HDAC9: variants seen among roughly 807,000 people sequenced by gnomAD.
The protein encoded by HDAC9 is MEF-2 interacting transcription repressor (MITR) protein.
A neutral mutation model predicts 139.4 loss-of-function variants in HDAC9; 41 were observed. The observed-to-expected ratio is 0.29, with a 90% CI of 0.23 to 0.38. The LOEUF (loss-of-function observed/expected upper bound fraction) is 0.38. HDAC9 is among the 10% of genes least tolerant of loss of function. HDAC9 has a pLI of 1.00. For synonymous variants in HDAC9, 517 were observed against 476.2 expected (o/e 1.09, Z -1.12); for missense variants, 1,147 against 1,297.0 (o/e 0.88, Z 1.78).
chr7:18,228,754 T>C (rs750193651), intron 2 of HDAC9, among the ~76,000 whole-genome samples: 19 of 152,176 alleles, frequency 1.2e-4, no homozygotes, highest in Non-Finnish European at 2.2e-4. Flanking sequence ...AATACAACTT[T>C]GAACTCAGGA....
At chr7:18,340,643 T>C (rs1007522851) in intron 1 of HDAC9, among the ~76,000 whole-genome samples, 6 of 151,602 alleles carry the variant, frequency 4.0e-5, no homozygotes, top group Non-Finnish European at 4.4e-5. Context: ...TTACCAAAAG[T>C]GTGTTTCCAT....
chr7:18,862,799 T>C (rs1798208383), intron 21 of HDAC9, among the ~76,000 whole-genome samples: 1 of 152,188 alleles, frequency 6.6e-6, no homozygotes, highest in Non-Finnish European at 1.5e-5. Flanking sequence ...GAAATTCATT[T>C]TGAGAAGAAT....
chr7:18,163,512 G>T (rs1458909932), intron 2 of HDAC9, among the ~76,000 whole-genome samples: 1 of 152,104 alleles, frequency 6.6e-6, no homozygotes, highest in African/African-American at 2.4e-5. Context: ...TGGGGCACAG[G>T]AATTGTGATT....
At chr7:18,656,284 G>A (rs1791141500) in intron 11 of HDAC9, among the ~76,000 whole-genome samples, 1 of 152,018 alleles carries the variant, frequency 6.6e-6, no homozygotes, top group Non-Finnish European at 1.5e-5. Flanking sequence ...GTATCAGCTA[G>A]CAATATAAAG....
At chr7:18,908,716 C>G (rs1481931834) in intron 22 of HDAC9, among the ~76,000 whole-genome samples, 2 of 151,014 alleles carry the variant, frequency 1.3e-5, no homozygotes, top group Admixed American at 6.6e-5. Flanking sequence ...CCACAAATGA[C>G]AAAAAAAAAT....
intron 1 of HDAC9, among the ~76,000 whole-genome samples, chr7:18,098,138 C>G (rs573532677): frequency 6.6e-6 from 1 of 152,324 alleles, no homozygotes; most frequent in South Asian, 2.1e-4. Context: ...CCCATCATGA[C>G]AAGTTTCACT....
chr7:18,565,305 T>C (rs1821947450), intron 2 of HDAC9, among the ~76,000 whole-genome samples: 1 of 152,214 alleles, frequency 6.6e-6, no homozygotes, highest in South Asian at 2.1e-4. Context: ...CAAATAAATG[T>C]ATTTTTTAAA....
intron 1 of HDAC9, among the ~76,000 whole-genome samples, chr7:18,107,809 G>A (rs903152182): frequency 1.3e-5 from 2 of 152,142 alleles, no homozygotes; most frequent in African/African-American, 4.8e-5. Flanking sequence ...TTATGCAGTG[G>A]TAGATAGTGG....
chr7:18,852,319 T>C (rs1309092555), intron 21 of HDAC9, among the ~76,000 whole-genome samples: 5 of 152,176 alleles, frequency 3.3e-5, no homozygotes, highest in Non-Finnish European at 7.3e-5. Flanking sequence ...GGACTCTTAA[T>C]CCAAGTCTTG....
intron 25 of HDAC9, among the ~76,000 whole-genome samples, chr7:18,994,456 C>A (rs964670216): frequency 6.6e-6 from 1 of 152,088 alleles, no homozygotes; most frequent in Non-Finnish European, 1.5e-5. Flanking sequence ...TTATGTACCA[C>A]CTCTAAACTC....
intron 17 of HDAC9, among the ~76,000 whole-genome samples, chr7:18,810,612 C>A (rs1177342485): frequency 6.6e-6 from 1 of 151,850 alleles, no homozygotes; most frequent in African/African-American, 2.4e-5. Flanking sequence ...AATGTCTATA[C>A]CTGACTATCA....
At chr7:18,864,195 G>A (rs34854568) in intron 21 of HDAC9, among the ~76,000 whole-genome samples, 71,103 of 151,916 alleles carry the variant, frequency 0.47, 17,349 homozygotes, top group African/African-American at 0.6. Context: ...AATATTATTC[G>A]GCCTTGCAAA....
rs1054510626 is a variant in HDAC9, at chr7:18,861,866, G to A, written c.2685-12612G>A. On this transcript the variant is annotated intron_variant, in intron 21 of 25. Transcript: ENST00000686413. ...TATATATGTGAGTGTACACACACAC[G>A]CATATTCCTAATTATGATATATTGC... Among the ~76,000 whole-genome samples the A allele has an allele frequency of 5.3e-5, 8 of 152,064 alleles. No individual in the cohort carries two copies. The East Asian group carries it at 1.2e-3, about 22-fold the overall frequency.
chr7:18,112,456 C>T (rs1473209613), intron 1 of HDAC9, among the ~76,000 whole-genome samples: 1 of 152,136 alleles, frequency 6.6e-6, no homozygotes, highest in Non-Finnish European at 1.5e-5. Context: ...AACTGTCATC[C>T]AATTCAATAA....
intron 2 of HDAC9, among the ~76,000 whole-genome samples, chr7:18,249,819 A>C (rs2128196991): frequency 6.6e-6 from 1 of 152,294 alleles, no homozygotes; most frequent in Non-Finnish European, 1.5e-5. Flanking sequence ...TGAATAGGTT[A>C]TACTCCCCTG....
At chr7:18,496,452 G>A in intron 2 of HDAC9, 128 bp downstream of exon 2, 1 of 778,764 alleles carries the variant, frequency 1.3e-6, no homozygotes. Context: ...TATTTTCTTG[G>A]TGCGTCTGTA....
At chr7:18,641,004 C>T (rs1057384905) in intron 8 of HDAC9, among the ~76,000 whole-genome samples, 5 of 152,086 alleles carry the variant, frequency 3.3e-5, no homozygotes, top group South Asian at 2.1e-4. Context: ...CTGTACCAGA[C>T]TACTGTCCCA....
chr7:18,682,489 T>C (rs1416760202), intron 12 of HDAC9, among the ~76,000 whole-genome samples: 1 of 152,046 alleles, frequency 6.6e-6, no homozygotes, highest in Non-Finnish European at 1.5e-5. Context: ...AATAAAGTTG[T>C]ATCCATCCAA....
intron 22 of HDAC9, among the ~76,000 whole-genome samples, chr7:18,876,214 C>T (rs1355796636): frequency 6.6e-6 from 1 of 152,168 alleles, no homozygotes; most frequent in African/African-American, 2.4e-5. Context: ...AGTATAATAG[C>T]ATCTTCAATA....
Sources: gnomAD v4.1 joint callset for allele counts (sites outside exome capture counted in the v4.1 genomes callset) on GRCh38, gnomAD v4.1.1 for gene constraint, MANE v1.5 for transcripts, NCBI Gene and HGNC (gene_info 2026-07-23, HGNC 2026-07-21) for gene names.